Variants in UNC5C observed in about 807,000 individuals in gnomAD.
UNC5C encodes the protein netrin receptor UNC5C.
UNC5C carries 47 observed loss-of-function variants against 99.8 expected under a neutral mutation model. The observed-to-expected ratio is 0.47, with a 90% confidence interval of 0.37 to 0.60. The LOEUF is 0.60. Among genes scored for constraint, UNC5C ranks in the 20% least tolerant of loss-of-function variants. UNC5C has a pLI of 0.00. For synonymous variants in UNC5C, 487 were observed against 452.2 expected, an observed-to-expected ratio of 1.08 and a Z score of -0.98; for missense variants, 1,062 against 1,165.9, an observed-to-expected ratio of 0.91 and a Z score of 1.30.
chr4:95,547,733 CTCTT>C (rs969384288), intron 1 of UNC5C, among the ~76,000 whole-genome samples: 1 of 152,202 alleles, frequency 6.6e-6, no homozygotes, highest in Admixed American at 6.5e-5. Flanking sequence ...ACAGCCTTGG[CTCTT>C]TCTTCTGCGC....
At chr4:95,513,323 C>A (rs1468338885) in intron 1 of UNC5C, among the ~76,000 whole-genome samples, 1 of 152,154 alleles carries the variant, frequency 6.6e-6, no homozygotes, top group Non-Finnish European at 1.5e-5. Flanking sequence ...CAGGCGCACA[C>A]CAGCCCAGTG....
chr4:95,320,736 G>A (rs1342933549), intron 2 of UNC5C, among the ~76,000 whole-genome samples: 1 of 152,054 alleles, frequency 6.6e-6, no homozygotes, highest in Non-Finnish European at 1.5e-5. Context: ...TGGGCCTGAG[G>A]GTGGACACGA....
intron 3 of UNC5C, among the ~76,000 whole-genome samples, chr4:95,296,270 C>T (rs1268462894): frequency 6.6e-6 from 1 of 152,168 alleles, no homozygotes; most frequent in African/African-American, 2.4e-5. Context: ...TCGGTACACA[C>T]ATATGAGTTC....
intron 1 of UNC5C, among the ~76,000 whole-genome samples, chr4:95,527,966 ACT>A (rs974379685): frequency 6.6e-6 from 1 of 152,154 alleles, no homozygotes; most frequent in Non-Finnish European, 1.5e-5. Context: ...CATCCTATAC[ACT>A]GTTTACTCTA....
In UNC5C at chr4:95,394,651, C is replaced by CTGTGTGTGTGTGTGTGTGTG. The variant is rs10527279; in HGVS notation, c.125-59040_125-59021dup. Among the ~76,000 whole-genome samples the CTGTGTGTGTGTGTGTGTGTG allele has an allele frequency of 5.6e-3, 825 of 147,736 alleles. 15 individuals carry two copies. Among genetic ancestry groups the CTGTGTGTGTGTGTGTGTGTG allele is most frequent in the African/African-American group, 0.019 (751 of 39,606 alleles). ...GGCATCTGCTATGAAAAGGTATTTG[C>CTGTGTGTGTGTGTGTGTGTG]TGTGTGTGTGTGTGTGTGTGTGTGC... is the stretch of plus-strand genomic sequence containing the variant. On this transcript the variant is annotated intron_variant, in intron 1 of 15. Coordinates refer to ENST00000453304, the MANE Select transcript of UNC5C (RefSeq NM_003728.4).
intron 1 of UNC5C, among the ~76,000 whole-genome samples, chr4:95,503,102 A>G (rs1721819151): frequency 6.6e-6 from 1 of 152,136 alleles, no homozygotes; most frequent in South Asian, 2.1e-4. Context: ...GATCCCCTAT[A>G]TAACAGTATT....
rs557164523 is a variant in UNC5C at position 95,444,498 on chromosome 4, A to AT, written c.124+104235dup. Among the ~76,000 whole-genome samples, 495 of 152,028 alleles carry AT rather than the reference A, an allele frequency of 3.3e-3. 2 individuals carry two copies. The highest frequency in any genetic ancestry group is 0.011 in the South Asian group (51 of 4,814). ...AGGGGCCTGCCACCTTGCCTGGCTA[A>AT]TTTTTTGTATTTTTAGTAGAGACGG... On this transcript the variant is annotated intron_variant, in intron 1 of 15. Transcript: ENST00000453304.
chr4:95,248,993 G>A lies in UNC5C; in HGVS notation c.775+1494C>T, dbSNP rs148897559. The stretch of plus-strand genomic sequence containing the variant: ...CATTCATAGTAAGTGCCCTATACAG[G>A]TTTATCTTTTTTTTTATCTTTGATA... On this transcript the variant is annotated intron_variant, in intron 5 of 15. Coordinates refer to ENST00000453304, the MANE Select transcript of UNC5C (RefSeq NM_003728.4). Among the ~76,000 whole-genome samples, 33 of 151,088 alleles carry A rather than the reference G, an allele frequency of 2.2e-4. No homozygotes were observed. In the East Asian group the frequency reaches 6.0e-3, roughly 27 times the overall value.
intron 3 of UNC5C, among the ~76,000 whole-genome samples, chr4:95,293,790 A>C (rs539995912): frequency 6.6e-6 from 1 of 152,210 alleles, no homozygotes; most frequent in African/African-American, 2.4e-5. Context: ...GGCGATTTTT[A>C]ATCTCCCGTT....
intron 1 of UNC5C, among the ~76,000 whole-genome samples, chr4:95,475,905 G>C (rs1350016771): frequency 6.6e-6 from 1 of 152,092 alleles, no homozygotes; most frequent in East Asian, 1.9e-4. Flanking sequence ...TGACAATAAA[G>C]TGTTTTCAAA....
At chr4:95,465,913 C>T (rs1747761381) in intron 1 of UNC5C, among the ~76,000 whole-genome samples, 1 of 152,050 alleles carries the variant, frequency 6.6e-6, no homozygotes, top group Non-Finnish European at 1.5e-5. Context: ...TTTTCTTTGC[C>T]ATACTTTGAC....
chr4:95,519,644 GCAAA>G (rs764534041), intron 1 of UNC5C, among the ~76,000 whole-genome samples: 4 of 152,088 alleles, frequency 2.6e-5, no homozygotes, highest in Admixed American at 1.3e-4. Context: ...CTGCCTCACA[GCAAA>G]CAGTTTCTTT....
At chr4:95,285,562 T>G (rs1398815517) in intron 3 of UNC5C, among the ~76,000 whole-genome samples, 1 of 152,214 alleles carries the variant, frequency 6.6e-6, no homozygotes, top group Non-Finnish European at 1.5e-5. Flanking sequence ...CACATAATTC[T>G]CACACACACT....
intron 1 of UNC5C, among the ~76,000 whole-genome samples, chr4:95,497,400 C>T (rs1721658712): frequency 6.6e-6 from 1 of 151,900 alleles, no homozygotes; most frequent in Admixed American, 6.6e-5. Context: ...CTTATTAATT[C>T]TATTCTACAC....
intron 12 of UNC5C, among the ~76,000 whole-genome samples, chr4:95,197,061 TATA>T: frequency 6.6e-5 from 2 of 30,204 alleles, no homozygotes; most frequent in South Asian, 8.4e-4. Flanking sequence ...ATATATAATA[TATA>T]TTTTTATATT....
At chr4:95,274,472 A>G (rs1282280098) in intron 4 of UNC5C, among the ~76,000 whole-genome samples, 1 of 152,190 alleles carries the variant, frequency 6.6e-6, no homozygotes, top group South Asian at 2.1e-4. Flanking sequence ...GGAGCAGGCA[A>G]GTCTAGAGTT....
chr4:95,534,071 T>G (rs2149493709), intron 1 of UNC5C, among the ~76,000 whole-genome samples: 1 of 152,300 alleles, frequency 6.6e-6, no homozygotes, highest in South Asian at 2.1e-4. Context: ...GACTGCAGAG[T>G]TTTAAACGTG....
At chr4:95,362,637 G>A (rs893649725) in intron 1 of UNC5C, among the ~76,000 whole-genome samples, 12 of 152,096 alleles carry the variant, frequency 7.9e-5, no homozygotes, top group African/African-American at 2.2e-4. Context: ...ACTTGCACCC[G>A]CAGGATTCCT....
chr4:95,446,241 C>T (rs1747102606), intron 1 of UNC5C, among the ~76,000 whole-genome samples: 1 of 151,602 alleles, frequency 6.6e-6, no homozygotes, highest in Non-Finnish European at 1.5e-5. Flanking sequence ...TGAAGGCAAG[C>T]TGTAAAGACA....
Sources: gnomAD v4.1 joint callset for allele counts (sites outside exome capture counted in the v4.1 genomes callset) on GRCh38, gnomAD v4.1.1 for gene constraint, MANE v1.5 for transcripts, NCBI Gene and HGNC (gene_info 2026-07-23, HGNC 2026-07-21) for gene names.